TBC1D12: variants seen among roughly 807,000 people sequenced by gnomAD.
TBC1D12 encodes TBC1 domain family member 12, also known as TBC1 domain family, member 12.
TBC1D12 carries 56 observed loss-of-function variants against 86.7 expected under a neutral mutation model. That is an observed-to-expected ratio of 0.65 (90% confidence interval 0.52 to 0.81). TBC1D12 has a LOEUF of 0.81. Among genes scored for constraint, TBC1D12 ranks in the 30% least tolerant of loss-of-function variants. The probability of loss-of-function intolerance (pLI) is 0.00; values close to 1 mark genes in which losing one functional copy is unlikely to be tolerated. For missense variants in TBC1D12, 1,023 were observed against 1,038.8 expected (o/e 0.98, Z 0.21); for synonymous variants, 421 against 411.7 (o/e 1.02, Z -0.27).
chr10:94,496,156 C>T (rs1436173207), intron 4 of TBC1D12, among the ~76,000 whole-genome samples: 1 of 151,864 alleles, frequency 6.6e-6, no homozygotes, highest in Admixed American at 6.6e-5. Context: ...GCTTGCCCCT[C>T]AAGATGGTCT....
chr10:94,519,554 A>G (rs967738440), intron 9 of TBC1D12, among the ~76,000 whole-genome samples: 5 of 152,208 alleles, frequency 3.3e-5, no homozygotes, highest in Non-Finnish European at 7.4e-5. Context: ...ACAAACACAC[A>G]TACAACAACA....
chr10:94,407,367 T>C (rs1431275721), intron 1 of TBC1D12, among the ~76,000 whole-genome samples: 2 of 152,228 alleles, frequency 1.3e-5, no homozygotes, highest in African/African-American at 4.8e-5. Context: ...CCTCAGATCC[T>C]TGACCCTTTC....
At chr10:94,493,569 C>A in intron 4 of TBC1D12, 122 bp downstream of exon 4, 1 of 791,818 alleles carries the variant, frequency 1.3e-6, no homozygotes, top group Non-Finnish European at 2.0e-6. Context: ...TTTTTCGTTT[C>A]TTTTTTGAGT....
At chr10:94,470,849 C>T (rs540025540) in intron 2 of TBC1D12, among the ~76,000 whole-genome samples, 61 of 151,892 alleles carry the variant, frequency 4.0e-4, no homozygotes, top group African/African-American at 1.4e-3. Context: ...AAGATGAGCT[C>T]ATACAATGTT....
Position 94,474,676 on chromosome 10 carries a change from A to T in TBC1D12, c.1104A>T (p.Glu368Asp). 1 of 1,613,944 alleles carries T rather than the reference A, an allele frequency of 6.2e-7. No individual in the cohort carries two copies. The highest frequency in any genetic ancestry group is 8.5e-7 in the Non-Finnish European group (1 of 1,179,876). Reference protein sequence around the residue: ...KTSKIIQQEYEARTGRTCKPP... With the variant: ...KTSKIIQQEYDARTGRTCKPP... Reference sequence around the variant, plus strand: ...GTTTTAATTTACTCTAGGAATATGAAGCACGAACGGGGAGGACCTGTAAAC... The same window carrying T: ...GTTTTAATTTACTCTAGGAATATGATGCACGAACGGGGAGGACCTGTAAAC... Residue 368 changes from glutamate to aspartate, a missense_variant, in exon 3 of 13, where the codon GAA (glutamate) becomes GAT (aspartate). By Grantham distance (45) the Glu-to-Asp change is conservative. Transcript: ENST00000225235.
chr10:94,484,089 C>A (rs1023036745), intron 3 of TBC1D12, among the ~76,000 whole-genome samples: 4 of 152,040 alleles, frequency 2.6e-5, no homozygotes, highest in Non-Finnish European at 4.4e-5. Flanking sequence ...GACAGATTAT[C>A]AGTAGATATA....
chr10:94,402,656 C>T lies in TBC1D12; in HGVS notation c.43C>T (p.Pro15Ser), dbSNP rs772648805. ...TGCCGGAGCCTGCTCGGGAAGAAACCCCAAGTTGCTCCCGGTGCCTGCGCC... is the reference window on the plus strand; with the variant it reads ...TGCCGGAGCCTGCTCGGGAAGAAACTCCAAGTTGCTCCCGGTGCCTGCGCC... ...EDAGACSGRN[P>S]KLLPVPAPDP... The change falls in exon 1 of 13, where the codon CCC becomes TCC. Residue 15 changes from proline (P) to serine (S), a missense_variant. Pro to Ser is a moderately conservative substitution (Grantham distance 74). Transcript: ENST00000225235. The T allele has an allele frequency of 6.2e-7, 1 of 1,611,442 alleles. No individual in the cohort carries two copies. Among genetic ancestry groups the T allele is most frequent in the African/African-American group, 1.3e-5 (1 of 74,988 alleles).
chr10:94,411,685 C>T (rs960543420), intron 1 of TBC1D12, among the ~76,000 whole-genome samples: 2 of 151,970 alleles, frequency 1.3e-5, no homozygotes, highest in South Asian at 2.1e-4. Flanking sequence ...TAGAAAGTTG[C>T]GTGGTTGGGC....
intron 1 of TBC1D12, among the ~76,000 whole-genome samples, chr10:94,425,069 A>G (rs904055610): frequency 6.6e-6 from 1 of 152,214 alleles, no homozygotes; most frequent in African/African-American, 2.4e-5. Flanking sequence ...TTAAAAACTG[A>G]TGCCAAGGCA....
chr10:94,503,078 T>C (rs2056419442), intron 6 of TBC1D12, among the ~76,000 whole-genome samples: 1 of 152,230 alleles, frequency 6.6e-6, no homozygotes. Flanking sequence ...CTTCACACTA[T>C]AATCTATCTT....
chr10:94,459,940 G>T (rs946901523), intron 2 of TBC1D12, among the ~76,000 whole-genome samples: 1 of 152,174 alleles, frequency 6.6e-6, no homozygotes, highest in Admixed American at 6.5e-5. Flanking sequence ...CCAGAGAGGG[G>T]CTCCCACAGT....
intron 2 of TBC1D12, among the ~76,000 whole-genome samples, chr10:94,471,796 G>T (rs764939830): frequency 6.6e-6 from 1 of 152,120 alleles, no homozygotes; most frequent in African/African-American, 2.4e-5. Flanking sequence ...CTCACTCTCC[G>T]GAGGAGAACC....
chr10:94,531,498 A>G, intron 12 of TBC1D12, 38 bp downstream of exon 12: 1 of 1,544,154 alleles, frequency 6.5e-7, no homozygotes, highest in Non-Finnish European at 8.7e-7. Flanking sequence ...AGATGTGTTA[A>G]AGCAGTTGAC....
At chr10:94,449,407 T>C (rs566501523) in intron 2 of TBC1D12, among the ~76,000 whole-genome samples, 75 of 152,052 alleles carry the variant, frequency 4.9e-4, no homozygotes, top group Non-Finnish European at 9.0e-4. Context: ...AAATATAGGA[T>C]GGGTTTTTTG....
intron 1 of TBC1D12, among the ~76,000 whole-genome samples, chr10:94,409,374 CTTTT>C (rs71306819): frequency 1.6e-5 from 2 of 125,394 alleles, no homozygotes; most frequent in Admixed American, 8.6e-5. Flanking sequence ...ATTAAATTAA[CTTTT>C]TTTTTTTTTT....
intron 2 of TBC1D12, chr10:94,447,658 T>C: frequency 1.0e-6 from 1 of 985,224 alleles, no homozygotes; most frequent in Non-Finnish European, 1.2e-6. Flanking sequence ...CTTGTGGCCT[T>C]TTGAACCAGT....
At chr10:94,459,441 T>C (rs946166517) in intron 2 of TBC1D12, among the ~76,000 whole-genome samples, 1 of 152,244 alleles carries the variant, frequency 6.6e-6, no homozygotes, top group Non-Finnish European at 1.5e-5. Context: ...GCCTAGCGGA[T>C]CCTGTGCTGG....
chr10:94,497,550 C>T (rs1325087556), intron 5 of TBC1D12, among the ~76,000 whole-genome samples: 52 of 133,956 alleles, frequency 3.9e-4, no homozygotes, highest in African/African-American at 1.4e-3. Context: ...GACGGAGTCT[C>T]GCTCTGTCAC....
intron 2 of TBC1D12, among the ~76,000 whole-genome samples, chr10:94,465,650 A>AG (rs2055796009): frequency 4.7e-5 from 4 of 84,664 alleles, no homozygotes; most frequent in Admixed American, 4.6e-4. Flanking sequence ...TTGCCTAAAA[A>AG]AAAAAATATA....
Sources: gnomAD v4.1 joint callset for allele counts (sites outside exome capture counted in the v4.1 genomes callset) on GRCh38, gnomAD v4.1.1 for gene constraint, MANE v1.5 for transcripts, NCBI Gene and HGNC (gene_info 2026-07-23, HGNC 2026-07-21) for gene names.